Variants in HMBOX1 observed in about 807,000 individuals in gnomAD.
HMBOX1 encodes homeobox-containing protein 1.
Under a neutral mutation model 54.5 loss-of-function variants are expected in HMBOX1, and 14 were observed. The observed-to-expected ratio is 0.26, with a 90% CI of 0.17 to 0.40. The LOEUF is 0.40. Ranked by LOEUF, HMBOX1 falls within the 10% of genes least tolerant of loss-of-function variation. The pLI, the probability that HMBOX1 is intolerant of heterozygous loss-of-function variation, is 1.00. For synonymous variants in HMBOX1, 160 were observed against 181.0 expected (o/e 0.88, Z 0.93); for missense variants, 332 against 514.4 (o/e 0.65, Z 3.43).
At chr8:28,931,023 G>C (rs937509907) in intron 1 of HMBOX1, among the ~76,000 whole-genome samples, 2 of 151,952 alleles carry the variant, frequency 1.3e-5, no homozygotes, top group Non-Finnish European at 2.9e-5. Context: ...AATCATTTTG[G>C]GAATGATTTG....
At chr8:28,956,483 A>AT (rs1824470284) in intron 1 of HMBOX1, among the ~76,000 whole-genome samples, 1 of 151,826 alleles carries the variant, frequency 6.6e-6, no homozygotes, top group African/African-American at 2.4e-5. Flanking sequence ...CCTGATACTT[A>AT]TTTTTTACAT....
intron 4 of HMBOX1, among the ~76,000 whole-genome samples, chr8:28,992,655 G>A (rs994712079): frequency 5.9e-5 from 9 of 151,950 alleles, no homozygotes; most frequent in African/African-American, 1.9e-4. Context: ...TGGATCACGA[G>A]GTCAGGAGTT....
intron 4 of HMBOX1, among the ~76,000 whole-genome samples, chr8:29,003,943 G>A (rs539313541): frequency 7.5e-4 from 114 of 152,150 alleles, no homozygotes; most frequent in African/African-American, 2.7e-3. Context: ...TTTTCTTATA[G>A]TTACTGCAAT....
intron 1 of HMBOX1, among the ~76,000 whole-genome samples, chr8:28,931,684 G>C (rs1354414908): frequency 6.6e-6 from 1 of 152,044 alleles, no homozygotes; most frequent in Non-Finnish European, 1.5e-5. Flanking sequence ...TGGGACCACA[G>C]GAGTGTACCA....
At chr8:28,903,440 T>C (rs1813632999) in intron 1 of HMBOX1, among the ~76,000 whole-genome samples, 1 of 152,238 alleles carries the variant, frequency 6.6e-6, no homozygotes, top group African/African-American at 2.4e-5. Context: ...TAATAAGCTT[T>C]CTCCTCGTGC....
intron 3 of HMBOX1, among the ~76,000 whole-genome samples, chr8:28,977,323 T>C (rs1335591126): frequency 1.3e-5 from 2 of 152,244 alleles, no homozygotes; most frequent in Non-Finnish European, 2.9e-5. Context: ...TTATTTAACC[T>C]GAATAAATAT....
chr8:28,981,297 G>A (rs1432350084), intron 4 of HMBOX1, among the ~76,000 whole-genome samples: 5 of 151,992 alleles, frequency 3.3e-5, no homozygotes, highest in African/African-American at 7.3e-5. Context: ...TTTAGTTAAA[G>A]GTGTCCTTCG....
At chr8:28,938,399 T>G (rs755208190) in intron 1 of HMBOX1, among the ~76,000 whole-genome samples, 22 of 152,210 alleles carry the variant, frequency 1.4e-4, no homozygotes, top group African/African-American at 2.4e-5. Context: ...AAATAAAATA[T>G]TCACACTCAT....
intron 3 of HMBOX1, among the ~76,000 whole-genome samples, chr8:28,971,059 G>C (rs1827323889): frequency 1.5e-5 from 2 of 137,134 alleles, no homozygotes; most frequent in Non-Finnish European, 3.2e-5. Flanking sequence ...AGAACTTAGA[G>C]TTTTAAACAC....
intron 1 of HMBOX1, among the ~76,000 whole-genome samples, chr8:28,894,946 A>G (rs560714642): frequency 1.3e-5 from 2 of 152,020 alleles, no homozygotes; most frequent in Non-Finnish European, 2.9e-5. Context: ...CATTTGCAAA[A>G]AAAAAAAACA....
At chr8:28,987,414 T>TA (rs1353044445) in intron 4 of HMBOX1, among the ~76,000 whole-genome samples, 1 of 152,166 alleles carries the variant, frequency 6.6e-6, no homozygotes, top group Non-Finnish European at 1.5e-5. Flanking sequence ...GAGGAAGTGA[T>TA]ACCCCAGTAA....
At chr8:28,918,036 C>T (rs999353005) in intron 1 of HMBOX1, among the ~76,000 whole-genome samples, 1 of 152,030 alleles carries the variant, frequency 6.6e-6, no homozygotes, top group Non-Finnish European at 1.5e-5. Flanking sequence ...TCTTTCTTCT[C>T]TTCTATTTTC....
intron 6 of HMBOX1, 152 bp from the exon 7 acceptor site, chr8:29,045,209 G>T (rs974829303): frequency 3.1e-6 from 2 of 647,050 alleles, no homozygotes; most frequent in Non-Finnish European, 5.5e-6. Context: ...CAGCATAAAA[G>T]ATTCTACTCT....
intron 4 of HMBOX1, among the ~76,000 whole-genome samples, chr8:28,984,814 G>C (rs1829931218): frequency 6.6e-6 from 1 of 152,062 alleles, no homozygotes; most frequent in Non-Finnish European, 1.5e-5. Flanking sequence ...AAAAATTCAA[G>C]CATGCAGAAT....
chr8:29,011,872 A>G (rs879577387), intron 5 of HMBOX1, among the ~76,000 whole-genome samples: 1 of 152,238 alleles, frequency 6.6e-6, no homozygotes, highest in Admixed American at 6.5e-5. Flanking sequence ...TGATTTCTTT[A>G]AGTACATAGT....
intron 6 of HMBOX1, among the ~76,000 whole-genome samples, chr8:29,031,532 AT>A (rs199629952): frequency 6.2e-4 from 91 of 146,338 alleles, no homozygotes; most frequent in South Asian, 1.3e-3. Context: ...TTTTCTTGTC[AT>A]TTTTTTTTTT....
Position 28,970,512 on chromosome 8 carries a change from T to C in HMBOX1, c.493T>C (p.Leu165=). 1 of 1,581,524 alleles carries C rather than the reference T, an allele frequency of 6.3e-7. No individual in the cohort carries two copies. The highest frequency in any genetic ancestry group is 8.6e-7 in the Non-Finnish European group (1 of 1,162,358). The part of the protein sequence containing the change: ...DLDVDDKVEE[L]MRRDSSVIKE... ...AGATGTAGATGATAAAGTGGAAGAA[T>C]TAATGAGGTTAGTGACTTTGCTTAT... Residue 165 remains leucine (L), a synonymous_variant, in exon 3 of 10, where the codon TTA becomes CTA. Coordinates refer to ENST00000287701, the MANE Select transcript of HMBOX1 (RefSeq NM_001135726.3). This position sits in a 1 kb window ranked among gnomAD's most constrained non-coding sequence, Gnocchi z 4.3.
chr8:28,995,136 A>G (rs948638198), intron 4 of HMBOX1, among the ~76,000 whole-genome samples: 1 of 152,218 alleles, frequency 6.6e-6, no homozygotes, highest in Admixed American at 6.5e-5. Flanking sequence ...TAACATAGAA[A>G]CCCATGCCCA....
intron 4 of HMBOX1, among the ~76,000 whole-genome samples, chr8:28,994,477 G>C (rs951755878): frequency 6.6e-6 from 1 of 152,070 alleles, no homozygotes; most frequent in African/African-American, 2.4e-5. Flanking sequence ...TATGGATAAA[G>C]AACTAAATGA....
Sources: allele counts gnomAD v4.1 joint callset (sites outside exome capture counted in the v4.1 genomes callset), GRCh38; gene constraint gnomAD v4.1.1; non-coding constraint Gnocchi (gnomAD v3.1); transcripts MANE v1.5; gene names NCBI Gene and HGNC (gene_info 2026-07-23, HGNC 2026-07-21).